The following IQCK variants were observed in gnomAD, a reference collection of about 807,000 sequenced individuals.
IQCK encodes the protein IQ domain-containing protein K.
IQCK carries 29 observed loss-of-function variants against 28.1 expected under a neutral mutation model. That is an observed-to-expected ratio of 1.03 (90% CI 0.77 to 1.41). The LOEUF is 1.41. Among genes scored for constraint, IQCK ranks in the 40% most tolerant of loss-of-function variants. The probability of loss-of-function intolerance (pLI) is 0.00; values close to 1 mark genes in which losing one functional copy is unlikely to be tolerated. For missense variants in IQCK, 359 were observed against 314.7 expected (o/e 1.14, Z -1.07); for synonymous variants, 113 against 115.1 (o/e 0.98, Z 0.12).
downstream of IQCK, among the ~76,000 whole-genome samples, chr16:19,830,884 A>G (rs2056223680): frequency 6.6e-6 from 1 of 152,212 alleles, no homozygotes; most frequent in African/African-American, 2.4e-5. Context: ...TAGTTCCCAT[A>G]AATGTTAGTT....
intron 7 of IQCK, among the ~76,000 whole-genome samples, chr16:19,804,551 G>C: frequency 6.6e-6 from 1 of 151,782 alleles, no homozygotes; most frequent in Non-Finnish European, 1.5e-5. Flanking sequence ...AGCCCTCCCA[G>C]TTCAGCCTCC....
intron 4 of IQCK, among the ~76,000 whole-genome samples, chr16:19,741,094 C>T (rs2054828372): frequency 6.6e-6 from 1 of 152,030 alleles, no homozygotes; most frequent in African/African-American, 2.4e-5. Context: ...CCCCAGGGCA[C>T]ACTGAGGGGA....
At chr16:19,756,165 T>C (rs2151702984) in intron 4 of IQCK, among the ~76,000 whole-genome samples, 1 of 152,080 alleles carries the variant, frequency 6.6e-6, no homozygotes, top group Non-Finnish European at 1.5e-5. Flanking sequence ...GCCTGGGTGA[T>C]AGTGTCTCAA....
At chr16:19,730,082 A>G (rs1418635775) in intron 1 of IQCK, among the ~76,000 whole-genome samples, 1 of 151,818 alleles carries the variant, frequency 6.6e-6, no homozygotes, top group Non-Finnish European at 1.5e-5. Context: ...CAGCCTCCCA[A>G]GTAGCTGTGA....
At position 19,773,974 on chromosome 16, in the gene IQCK, T is replaced by C. The variant is rs375389231; in HGVS notation, c.605+9862T>C. Among the ~76,000 whole-genome samples, 4 of 152,308 alleles carry C rather than the reference T, an allele frequency of 2.6e-5. No homozygotes were observed. The South Asian group carries it at 8.3e-4, about 32-fold the overall frequency. ...GGGATGGTAGGGGTCACTAGAAACA[T>C]GTGGACCCAAAGTCATGGTATTGCG... On this transcript the variant is annotated intron_variant, in intron 6 of 7. Coordinates refer to ENST00000564186, the Ensembl canonical transcript of IQCK.
chr16:19,774,673 T>C (rs1363443930), intron 6 of IQCK, among the ~76,000 whole-genome samples: 1 of 152,126 alleles, frequency 6.6e-6, no homozygotes, highest in Non-Finnish European at 1.5e-5. Context: ...CAGCTAATAA[T>C]TATTGAATGC....
intron 9 of IQCK, among the ~76,000 whole-genome samples, chr16:19,852,879 C>T (rs1411684519): frequency 1.3e-5 from 2 of 152,180 alleles, no homozygotes; most frequent in Non-Finnish European, 2.9e-5. Flanking sequence ...GCCTCAGCCT[C>T]CCAATGTGCT....
chr16:19,810,914 A>G (rs1802052047), intron 7 of IQCK, among the ~76,000 whole-genome samples: 1 of 152,232 alleles, frequency 6.6e-6, no homozygotes, highest in Non-Finnish European at 1.5e-5. Context: ...TGCTGGCACT[A>G]TTATGTAATG....
intron 7 of IQCK, among the ~76,000 whole-genome samples, chr16:19,811,047 G>T (rs1177126079): frequency 1.3e-5 from 2 of 152,186 alleles, no homozygotes; most frequent in South Asian, 4.1e-4. Context: ...ACTTTGGGAG[G>T]CAGAAGCTAG....
At chr16:19,743,254 C>G (rs1444999593) in intron 4 of IQCK, among the ~76,000 whole-genome samples, 1 of 152,154 alleles carries the variant, frequency 6.6e-6, no homozygotes, top group Non-Finnish European at 1.5e-5. Context: ...GGTCTGTGAC[C>G]TTTATTCAGT....
intron 6 of IQCK, among the ~76,000 whole-genome samples, chr16:19,777,143 G>T (rs906754923): frequency 6.6e-6 from 1 of 151,996 alleles, no homozygotes; most frequent in Non-Finnish European, 1.5e-5. Flanking sequence ...AAAAGAAAAG[G>T]TTGCTTTGGG....
At chr16:19,753,797 C>T (rs573920517) in intron 4 of IQCK, among the ~76,000 whole-genome samples, 64 of 152,078 alleles carry the variant, frequency 4.2e-4, no homozygotes, top group African/African-American at 1.5e-3. Context: ...TGCTTGGCCT[C>T]TAGCAGAGTC....
At chr16:19,753,805 G>C (rs1396926904) in intron 4 of IQCK, among the ~76,000 whole-genome samples, 1 of 151,936 alleles carries the variant, frequency 6.6e-6, no homozygotes, top group Non-Finnish European at 1.5e-5. Flanking sequence ...CTCTAGCAGA[G>C]TCAGCTTTAT....
chr16:19,721,026 A>G (rs557683683), intron 1 of IQCK, among the ~76,000 whole-genome samples: 2,157 of 151,856 alleles, frequency 0.014, 45 homozygotes, highest in African/African-American at 0.049. Context: ...AAAAAAAAAA[A>G]CAATTCAGTG....
chr16:19,846,596 T>TA (rs962746252), intron 9 of IQCK, among the ~76,000 whole-genome samples: 43 of 152,316 alleles, frequency 2.8e-4, no homozygotes, highest in African/African-American at 1.0e-3. Flanking sequence ...AAGCTGCAAT[T>TA]ACTGCTCATT....
At chr16:19,776,837 G>A (rs1453855283) in intron 6 of IQCK, among the ~76,000 whole-genome samples, 3 of 152,182 alleles carry the variant, frequency 2.0e-5, no homozygotes, top group Non-Finnish European at 2.9e-5. Context: ...CCTTAGTCCT[G>A]TTTATTAATC....
chr16:19,733,905 C>G, intron 3 of IQCK, 78 bp downstream of exon 3: 1 of 1,446,190 alleles, frequency 6.9e-7, no homozygotes, highest in Non-Finnish European at 9.6e-7. Context: ...TGGAGGCGGA[C>G]AGATGGACCT....
At chr16:19,773,422 A>G (rs1597545524) in intron 6 of IQCK, among the ~76,000 whole-genome samples, 1 of 152,150 alleles carries the variant, frequency 6.6e-6, no homozygotes, top group Non-Finnish European at 1.5e-5. Context: ...AAACAATGAG[A>G]AGGAGGATTA....
chr16:19,740,324 G>A (rs191395188), intron 4 of IQCK, among the ~76,000 whole-genome samples: 237 of 152,206 alleles, frequency 1.6e-3, no homozygotes, highest in African/African-American at 5.4e-3. Context: ...ATCAGAAATT[G>A]TATCAAATTG....
Sources: allele counts gnomAD v4.1 joint callset (sites outside exome capture counted in the v4.1 genomes callset), GRCh38; gene constraint gnomAD v4.1.1; transcripts MANE v1.5; gene names NCBI Gene and HGNC (gene_info 2026-07-23, HGNC 2026-07-21).